Variants in PDCL3 observed in about 807,000 individuals in gnomAD.
PDCL3 encodes phosducin-like protein 3.
Under a neutral mutation model 26.5 loss-of-function variants are expected in PDCL3, and 22 were observed. That is an observed-to-expected ratio of 0.83 (90% CI 0.59 to 1.19). PDCL3 has a LOEUF of 1.19. Among genes scored for constraint, PDCL3 ranks in the 50% most tolerant of loss-of-function variants. The pLI, the probability that PDCL3 is intolerant of heterozygous loss-of-function variation, is 0.00. For synonymous variants in PDCL3, 81 were observed against 104.9 expected (o/e 0.77, Z 1.39); for missense variants, 246 against 294.1 (o/e 0.84, Z 1.20).
chr2:100,565,436 G>A (rs961693812), intron 1 of PDCL3, among the ~76,000 whole-genome samples: 44 of 151,862 alleles, frequency 2.9e-4, no homozygotes, highest in African/African-American at 1.0e-3. Flanking sequence ...CACCACGCCC[G>A]GCTAATTTTT....
intron 5 of PDCL3, among the ~76,000 whole-genome samples, chr2:100,572,413 T>C (rs1224489771): frequency 6.6e-6 from 1 of 152,150 alleles, no homozygotes; most frequent in Admixed American, 6.6e-5. Flanking sequence ...GGTTTCACCA[T>C]GTTGGCCAGG....
chr2:100,570,482 T>TG (rs953923408), intron 4 of PDCL3, among the ~76,000 whole-genome samples: 19 of 150,660 alleles, frequency 1.3e-4, no homozygotes, highest in African/African-American at 4.6e-4. Context: ...TTCTTTTTTT[T>TG]TTTTTTTTTT....
chr2:100,564,909 A>G (rs1675031501), intron 1 of PDCL3, among the ~76,000 whole-genome samples: 1 of 152,180 alleles, frequency 6.6e-6, no homozygotes, highest in Non-Finnish European at 1.5e-5. Context: ...TTCAGGGACA[A>G]GGTACAAGAA....
intron 4 of PDCL3, among the ~76,000 whole-genome samples, chr2:100,570,035 G>A (rs200064857): frequency 5.3e-5 from 8 of 152,074 alleles, no homozygotes; most frequent in South Asian, 2.1e-4. Context: ...GCATGAACCC[G>A]GGAGGCGGAG....
chr2:100,563,929 T>TG (rs1553417079), intron 1 of PDCL3, among the ~76,000 whole-genome samples: 1 of 150,824 alleles, frequency 6.6e-6, no homozygotes, highest in Non-Finnish European at 1.5e-5. Context: ...TTTTTTTTTT[T>TG]GAGACCGGGT....
chr2:100,571,175 A>G (rs1675161357), intron 4 of PDCL3, among the ~76,000 whole-genome samples: 1 of 148,732 alleles, frequency 6.7e-6, no homozygotes, highest in African/African-American at 2.5e-5. Context: ...ACACCTCCCG[A>G]GTAGCTGGGA....
At chr2:100,566,684 G>A in intron 2 of PDCL3, 55 bp downstream of exon 2, 2 of 1,598,020 alleles carry the variant, frequency 1.3e-6, no homozygotes, top group South Asian at 2.2e-5. Context: ...GGCTCCCTAA[G>A]CCTCTGACTG....
In PDCL3 at chr2:100,565,210, C is replaced by A. The variant is rs182456509; in HGVS notation, c.7-1293C>A. ...CTTTTAACTCCTGACCTCAGATGCT[C>A]CACCTGCCTTGGCCTCCCAAAGAGC... On this transcript the variant is annotated intron_variant, in intron 1 of 5. Coordinates refer to ENST00000264254, the MANE Select transcript of PDCL3 (RefSeq NM_024065.5). 3.0e-3 allele frequency among the ~76,000 whole-genome samples: 464 copies of A among 152,250 alleles called. 1 individual carries two copies. Among genetic ancestry groups the A allele is most frequent in the African/African-American group, 0.011 (447 of 41,550 alleles).
At chr2:100,571,911 C>CCAGTGTATGAGTGA in intron 5 of PDCL3, 113 bp downstream of exon 5, 1 of 912,618 alleles carries the variant, frequency 1.1e-6, no homozygotes, top group Non-Finnish European at 1.8e-6. Flanking sequence ...TTCACTTCTG[C>CCAGTGTATGAGTGA]CTGTGTATGA....
At chr2:100,575,511 T>C (rs541748863) in intron 5 of PDCL3, among the ~76,000 whole-genome samples, 1 of 152,342 alleles carries the variant, frequency 6.6e-6, no homozygotes, top group Non-Finnish European at 1.5e-5. Context: ...AAGCCATTTG[T>C]TGTAGAATCT....
intron 4 of PDCL3, among the ~76,000 whole-genome samples, chr2:100,571,161 A>G (rs1675160849): frequency 6.8e-6 from 1 of 147,492 alleles, no homozygotes; most frequent in South Asian, 2.2e-4. Flanking sequence ...GTGTGCCTGT[A>G]ATCACACCTC....
intron 1 of PDCL3, 116 bp downstream of exon 1, chr2:100,563,189 G>A (rs2104388866): frequency 2.3e-6 from 3 of 1,330,544 alleles, no homozygotes; most frequent in East Asian, 2.7e-5. Flanking sequence ...AGGCACGAGG[G>A]AGGCCCGGCG....
chr2:100,563,208 C>T, intron 1 of PDCL3, 135 bp downstream of exon 1: 6 of 1,151,594 alleles, frequency 5.2e-6, no homozygotes, highest in Non-Finnish European at 5.9e-6. Flanking sequence ...CGCGTCCAGG[C>T]CCTGCGCAGG....
Position 100,569,638 on chromosome 2 carries a change from G to A in PDCL3, c.285G>A (p.Leu95=). ...TGAAGAATAAATTCGGAGAAGTTTTGGAGATCTCAGGGAAGGATTATGTTC... is the reference window on the plus strand; with the variant it reads ...TGAAGAATAAATTCGGAGAAGTTTTAGAGATCTCAGGGAAGGATTATGTTC... ...TKLKNKFGEV[L]EISGKDYVQE... Residue 95 remains leucine, a synonymous_variant, in exon 4 of 6, where the codon TTG becomes TTA. Coordinates refer to ENST00000264254, the MANE Select transcript of PDCL3 (RefSeq NM_024065.5). 2 of 1,613,960 alleles carry A rather than the reference G, an allele frequency of 1.2e-6. No individual in the cohort carries two copies. Among genetic ancestry groups the A allele is most frequent in the Non-Finnish European group, 1.7e-6 (2 of 1,179,954 alleles).
At chr2:100,563,351 A>T in intron 1 of PDCL3, 1 of 425,294 alleles carries the variant, frequency 2.4e-6, no homozygotes, top group South Asian at 5.3e-5. Context: ...CGGGCCTGTG[A>T]AGGTCTTGCC....
intron 1 of PDCL3, among the ~76,000 whole-genome samples, chr2:100,566,235 G>A (rs902991899): frequency 6.6e-6 from 1 of 152,034 alleles, no homozygotes; most frequent in African/African-American, 2.4e-5. Context: ...TTGAACACAT[G>A]CCAAGTCAGA....
intron 5 of PDCL3, among the ~76,000 whole-genome samples, chr2:100,572,672 C>T (rs935764428): frequency 1.3e-5 from 2 of 151,746 alleles, no homozygotes; most frequent in African/African-American, 4.8e-5. Flanking sequence ...CATGTGCCAA[C>T]ATGCCTGGCT....
chr2:100,571,498 C>G, intron 4 of PDCL3, 92 bp from the exon 5 acceptor site: 2 of 1,141,366 alleles, frequency 1.8e-6, no homozygotes, highest in Non-Finnish European at 2.5e-6. Flanking sequence ...GAAACTGTTA[C>G]AAGGTTTTAC....
At chr2:100,563,532 T>G in intron 1 of PDCL3, 1 of 154,978 alleles carries the variant, frequency 6.5e-6, no homozygotes, top group Non-Finnish European at 1.4e-5. Context: ...TTACACCCTC[T>G]TCCCCCGAGC....
Sources: gnomAD v4.1 joint callset for allele counts (sites outside exome capture counted in the v4.1 genomes callset) on GRCh38, gnomAD v4.1.1 for gene constraint, MANE v1.5 for transcripts, NCBI Gene and HGNC (gene_info 2026-07-23, HGNC 2026-07-21) for gene names.